Variants in TENM3 observed in about 807,000 individuals in gnomAD.
TENM3 encodes teneurin-3.
Under a neutral mutation model 255.1 loss-of-function variants are expected in TENM3, and 63 were observed. That is an observed-to-expected ratio of 0.25 (90% CI 0.20 to 0.30). The LOEUF (loss-of-function observed/expected upper bound fraction) is 0.30, where lower values mean the gene tolerates loss of function less well. Ranked by LOEUF, TENM3 falls within the 10% of genes least tolerant of loss-of-function variation. The probability of loss-of-function intolerance (pLI) is 1.00; values close to 1 mark genes in which losing one functional copy is unlikely to be tolerated. For missense variants in TENM3, 2,929 were observed against 3,461.1 expected, an observed-to-expected ratio of 0.85 and a Z score of 3.86; for synonymous variants, 1,306 against 1,322.3, an observed-to-expected ratio of 0.99 and a Z score of 0.27.
At chr4:181,792,470 T>C in the TENM3 span, among the ~76,000 whole-genome samples, 1 of 152,156 alleles carries the variant, frequency 6.6e-6, no homozygotes, top group Non-Finnish European at 1.5e-5. Flanking sequence ...TAAATAAGTC[T>C]ACATTGTGGT....
intron 3 of TENM3, among the ~76,000 whole-genome samples, chr4:182,590,272 C>A (rs1288093234): frequency 6.6e-6 from 1 of 151,956 alleles, no homozygotes; most frequent in East Asian, 1.9e-4. Context: ...CGTGACACTT[C>A]AAGGGTCCAG....
the TENM3 span, among the ~76,000 whole-genome samples, chr4:181,671,487 G>A: frequency 6.6e-6 from 1 of 152,050 alleles, no homozygotes; most frequent in Non-Finnish European, 1.5e-5. Context: ...GTATGATTTA[G>A]GGCAAGTTTG....
At chr4:181,503,070 T>C in the TENM3 span, among the ~76,000 whole-genome samples, 2 of 152,194 alleles carry the variant, frequency 1.3e-5, no homozygotes, top group Admixed American at 6.5e-5. Flanking sequence ...ATGTAAAATA[T>C]GATCATTCAG....
At chr4:182,253,600 C>A (rs927035738) in intron 1 of TENM3, among the ~76,000 whole-genome samples, 1 of 152,088 alleles carries the variant, frequency 6.6e-6, no homozygotes, top group African/African-American at 2.4e-5. Flanking sequence ...TAAATGTTTT[C>A]TTTGATAAAA....
the TENM3 span, among the ~76,000 whole-genome samples, chr4:181,528,175 A>G: frequency 6.6e-6 from 1 of 152,262 alleles, no homozygotes; most frequent in East Asian, 1.9e-4. Context: ...TACTTAATAT[A>G]CATATTTGTA....
At chr4:181,721,962 G>T in the TENM3 span, among the ~76,000 whole-genome samples, 34 of 152,238 alleles carry the variant, frequency 2.2e-4, no homozygotes, top group Admixed American at 1.8e-3. Context: ...ACTAAGGCTG[G>T]TCAGTATTTG....
chr4:182,752,053 G>C lies in TENM3; in HGVS notation c.3862+21G>C, dbSNP rs201432552. ...CAAAGGTACCGGCAGTTGGCGATTT[G>C]AGGATTTCTTTTTATTTATTAAAAA... On this transcript the variant is annotated intron_variant, in intron 20 of 27. Transcript: ENST00000511685. 233 of 1,332,678 alleles carry C rather than the reference G, an allele frequency of 1.7e-4. No individual in the cohort carries two copies. The East Asian group carries it at 5.7e-3, about 33-fold the overall frequency. 82.6% of individuals were successfully genotyped at this position (1,332,678 alleles called of 1,614,324 possible). A position where few individuals can be genotyped will look rare whatever the true frequency, so the allele number is the denominator to read the frequency against.
At chr4:181,630,285 C>A in the TENM3 span, among the ~76,000 whole-genome samples, 3 of 151,950 alleles carry the variant, frequency 2.0e-5, no homozygotes, top group African/African-American at 7.3e-5. Context: ...TTTCAAAAAA[C>A]CAGCTCCTGG....
chr4:181,717,009 T>C, the TENM3 span, among the ~76,000 whole-genome samples: 1 of 152,172 alleles, frequency 6.6e-6, no homozygotes, highest in Non-Finnish European at 1.5e-5. Flanking sequence ...GTACTAGTCT[T>C]TTAGCCCCTC....
chr4:181,910,438 T>C, the TENM3 span, among the ~76,000 whole-genome samples: 1 of 151,258 alleles, frequency 6.6e-6, no homozygotes. Flanking sequence ...CTTGGGAGGC[T>C]GAGGCAGGAG....
At chr4:182,785,712 TAAA>T (rs397879537) in intron 24 of TENM3, among the ~76,000 whole-genome samples, 5 of 60,092 alleles carry the variant, frequency 8.3e-5, no homozygotes, top group African/African-American at 1.3e-4. Flanking sequence ...TGTCTCAAGA[TAAA>T]AAAAAAAAAA....
chr4:182,192,515 C>T (rs927412961), intron 1 of TENM3, among the ~76,000 whole-genome samples: 14 of 152,318 alleles, frequency 9.2e-5, no homozygotes, highest in African/African-American at 3.4e-4. Context: ...CTTTCATTAA[C>T]TGGCATACAG....
intron 3 of TENM3, among the ~76,000 whole-genome samples, chr4:182,426,466 T>A (rs1771236445): frequency 6.6e-6 from 1 of 152,210 alleles, no homozygotes; most frequent in South Asian, 2.1e-4. Flanking sequence ...CTTATGCAGA[T>A]CTCTTTGCAT....
chr4:182,061,504 G>T, the TENM3 span, among the ~76,000 whole-genome samples: 1 of 151,970 alleles, frequency 6.6e-6, no homozygotes, highest in Non-Finnish European at 1.5e-5. Flanking sequence ...AGGTTCTATT[G>T]TAATCCATGA....
chr4:181,905,889 A>G, the TENM3 span: 9 of 505,804 alleles, frequency 1.8e-5, no homozygotes, highest in South Asian at 8.6e-5. Flanking sequence ...CCTCTTCTTC[A>G]TAATTACATT....
chr4:182,431,449 G>A (rs1771637089), intron 3 of TENM3, among the ~76,000 whole-genome samples: 1 of 152,028 alleles, frequency 6.6e-6, no homozygotes, highest in South Asian at 2.1e-4. Context: ...TGCCGAGATC[G>A]CGCCACTGCA....
At chr4:181,893,486 T>TCCCCCC in the TENM3 span, among the ~76,000 whole-genome samples, 1 of 11,368 alleles carries the variant, frequency 8.8e-5, no homozygotes. Context: ...CACTTTCCCC[T>TCCCCCC]GCCCACCCCC....
At chr4:181,672,138 T>A in the TENM3 span, among the ~76,000 whole-genome samples, 1 of 152,258 alleles carries the variant, frequency 6.6e-6, no homozygotes, top group African/African-American at 2.4e-5. Flanking sequence ...GCTGTGATAG[T>A]CTGTCCAGAT....
chr4:181,573,878 C>A, the TENM3 span, among the ~76,000 whole-genome samples: 2 of 152,158 alleles, frequency 1.3e-5, no homozygotes, highest in Admixed American at 1.3e-4. Flanking sequence ...TTCTTCAGAA[C>A]AAACCTGTCC....
Sources: allele counts gnomAD v4.1 joint callset (sites outside exome capture counted in the v4.1 genomes callset), GRCh38; gene constraint gnomAD v4.1.1; transcripts MANE v1.5; gene names NCBI Gene and HGNC (gene_info 2026-07-23, HGNC 2026-07-21).